The following MARF1 variants were observed in gnomAD, a reference collection of about 807,000 sequenced individuals.
MARF1 encodes the protein meiosis regulator and mRNA stability factor 1.
MARF1 carries 24 observed loss-of-function variants against 168.2 expected under a neutral mutation model. That is an observed-to-expected ratio of 0.14 (90% CI 0.10 to 0.20). MARF1 has a LOEUF of 0.20. Ranked by LOEUF, MARF1 falls within the 10% of genes least tolerant of loss-of-function variation. The pLI, the probability that MARF1 is intolerant of heterozygous loss-of-function variation, is 1.00. For synonymous variants in MARF1, 868 were observed against 822.4 expected, an observed-to-expected ratio of 1.06 and a Z score of -0.95; for missense variants, 1,744 against 2,143.6, an observed-to-expected ratio of 0.81 and a Z score of 3.68.
rs766558550 is a variant in MARF1, at chr16:15,608,296, C to T, written c.4177G>A (p.Val1393Met). 1.6e-5 allele frequency: 20 copies of T among 1,281,474 alleles called. No individual in the cohort carries two copies. The highest frequency in any genetic ancestry group is 3.0e-5 in the African/African-American group (2 of 66,494). 79.4% of individuals were successfully genotyped at this position (1,281,474 alleles called of 1,614,324 possible). A position where few individuals can be genotyped will look rare whatever the true frequency, so the allele number is the denominator to read the frequency against. Reference protein sequence around the residue: ...SALTQKLCHVVKVADIESGRQ... With the variant: ...SALTQKLCHVMKVADIESGRQ... ...AAAAAAAAAAAAACATTTACCTTCA[C>T]GACATGGCAGAGTTTCTGAGTTAAA... is the stretch of plus-strand genomic sequence containing the variant. Residue 1393 changes from valine (V) to methionine (M), a missense_variant, in exon 21 of 27, where the codon GTG becomes ATG. Transcript: ENST00000396368.
intron 21 of MARF1, among the ~76,000 whole-genome samples, chr16:15,607,491 G>GT (rs1335343877): frequency 6.6e-6 from 1 of 152,204 alleles, no homozygotes; most frequent in African/African-American, 2.4e-5. Flanking sequence ...GGAGGTTGCA[G>GT]TGAGCCAAGA....
In MARF1 at chr16:15,596,649, TCAGA is replaced by T. The variant is rs753385534; in HGVS notation, c.*40_*43del. The T allele has an allele frequency of 2.2e-5, 34 of 1,519,688 alleles. No individual in the cohort carries two copies. The highest frequency in any genetic ancestry group is 2.6e-5 in the Non-Finnish European group (29 of 1,130,442). The allele number at this position is 1,519,688 out of a possible 1,614,324, so 94.1% of individuals were successfully genotyped here. A position where few individuals can be genotyped will look rare whatever the true frequency, so the allele number is the denominator to read the frequency against. Reference sequence around the variant, plus strand: ...TTGAAACCCACTTTTGTGTGCAGAATCAGACAGTGTTTTCCCATCCTAATTCTAT... The same window carrying T: ...TTGAAACCCACTTTTGTGTGCAGAATCAGTGTTTTCCCATCCTAATTCTAT... On this transcript the variant is annotated 3_prime_UTR_variant, in exon 27 of 27. Transcript: ENST00000396368.
rs1430388433 is a variant in MARF1 at position 15,643,056 on chromosome 16, C to G, written c.-97G>C. 1 of 290,688 alleles carries G rather than the reference C, an allele frequency of 3.4e-6. No homozygotes were observed. The highest frequency in any genetic ancestry group is 5.7e-5 in the Admixed American group (1 of 17,444). The allele number at this position is 290,688 out of a possible 1,614,324, so 18.0% of individuals were successfully genotyped here. On this transcript the variant is annotated 5_prime_UTR_variant, in exon 1 of 27. Transcript: ENST00000396368. ...TCCACCTCCGCTCACATTCCGGCCC[C>G]GCCGCCTTCCCCCCGCCCCCCCCAG...
chr16:15,611,851 G>A, intron 17 of MARF1, 117 bp from the exon 18 acceptor site: 2 of 783,664 alleles, frequency 2.6e-6, no homozygotes, highest in Non-Finnish European at 4.0e-6. Context: ...TGTAGAATGT[G>A]TGCAATTTGA....
At chr16:15,607,201 G>C (rs9936101) in intron 21 of MARF1, among the ~76,000 whole-genome samples, 25,341 of 152,072 alleles carry the variant, frequency 0.17, 3,716 homozygotes, top group African/African-American at 0.4. Context: ...AGCTCTGAGC[G>C]TTCCTACCTC....
In MARF1 at chr16:15,602,641, A is replaced by AAAGAAGGAAGAG. The variant is rs1319524455; in HGVS notation, c.4414-439_4414-438insCTCTTCCTTCTT. Reference sequence around the variant, plus strand: ...GAGGAGGAAGGAAAGAAGGAAGAGGAGAAAGAAAAGGAGGAGGGATATATT... The same window carrying AAAGAAGGAAGAG: ...GAGGAGGAAGGAAAGAAGGAAGAGGAAAGAAGGAAGAGGAAAGAAAAGGAGGAGGGATATATT... On this transcript the variant is annotated intron_variant, in intron 22 of 26. Transcript: ENST00000396368. 9 of 63,542 alleles carry AAAGAAGGAAGAG rather than the reference A, an allele frequency of 1.4e-4. No individual in the cohort carries two copies. The Admixed American group carries it at 1.6e-3, about 12-fold the overall frequency. The allele number at this position is 63,542 out of a possible 1,614,324, so 3.9% of individuals were successfully genotyped here. A position where few individuals can be genotyped will look rare whatever the true frequency, so the allele number is the denominator to read the frequency against.
At chr16:15,625,851 T>A in intron 7 of MARF1, 51 bp from the exon 8 acceptor site, 1 of 1,456,880 alleles carries the variant, frequency 6.9e-7, no homozygotes, top group South Asian at 1.2e-5. Flanking sequence ...GGGCACACAT[T>A]CAATTTCAAA....
intron 2 of MARF1, 80 bp from the exon 3 acceptor site, chr16:15,636,422 A>T: frequency 1.0e-6 from 1 of 977,020 alleles, no homozygotes. Flanking sequence ...CTGCATGCAC[A>T]AACAGAAATA....
chr16:15,617,229 C>T (rs766303461), intron 14 of MARF1, 58 bp from the exon 15 acceptor site: 14 of 1,610,240 alleles, frequency 8.7e-6, no homozygotes, highest in Non-Finnish European at 1.2e-5. Context: ...AAGATGTTCA[C>T]AAGGTCATCC....
At chr16:15,603,453 C>T (rs569493520) in intron 22 of MARF1, among the ~76,000 whole-genome samples, 1 of 152,154 alleles carries the variant, frequency 6.6e-6, no homozygotes, top group Non-Finnish European at 1.5e-5. Context: ...GGATTATAGA[C>T]GTGTACCACC....
chr16:15,635,603 G>T, intron 3 of MARF1, 53 bp downstream of exon 3: 1 of 1,466,352 alleles, frequency 6.8e-7, no homozygotes, highest in Non-Finnish European at 9.4e-7. Context: ...CACTTCAAAA[G>T]TCATTCCTCA....
At chr16:15,638,311 C>CG (rs1337311757) in intron 2 of MARF1, among the ~76,000 whole-genome samples, 6 of 152,014 alleles carry the variant, frequency 3.9e-5, no homozygotes, top group African/African-American at 1.2e-4. Flanking sequence ...ATTGGCTGGA[C>CG]GCGGTGGCTC....
At chr16:15,600,386 A>G in intron 25 of MARF1, 42 bp downstream of exon 25, 1 of 1,612,386 alleles carries the variant, frequency 6.2e-7, no homozygotes, top group Non-Finnish European at 8.5e-7. Flanking sequence ...CGTTTCTCCT[A>G]GAATTTCACA....
In MARF1 at chr16:15,612,768, A is replaced by G; in HGVS notation, c.3263T>C (p.Leu1088Pro). 1 of 1,614,012 alleles carries G rather than the reference A, an allele frequency of 6.2e-7. No homozygotes were observed. Among genetic ancestry groups the G allele is most frequent in the South Asian group, 1.1e-5 (1 of 91,082 alleles). Residue 1088 changes from leucine to proline, a missense_variant, in exon 17 of 27, where the codon CTT becomes CCT. This residue lies in a region of MARF1 where 543 missense variants were observed against 742.1 expected (regional missense o/e 0.73). Coordinates refer to ENST00000396368, the MANE Select transcript of MARF1 (RefSeq NM_014647.4). ...KPPPPNTDPW[L>P]LRSKSPVGNP... The stretch of plus-strand genomic sequence containing the variant: ...ACCTACAGGACTCTTCGAACGCAGA[A>G]GCCAAGGGTCTAGAAGAAAAAGAAC...
chr16:15,638,594 A>AAAAGAAAAT (rs1258536668), intron 2 of MARF1, among the ~76,000 whole-genome samples: 1 of 152,154 alleles, frequency 6.6e-6, no homozygotes, highest in Non-Finnish European at 1.5e-5. Context: ...TCAAAAAAAA[A>AAAAGAAAAT]AAAGAAAATG....
chr16:15,598,116 C>T (rs2031946899), intron 26 of MARF1, among the ~76,000 whole-genome samples: 1 of 152,132 alleles, frequency 6.6e-6, no homozygotes, highest in Non-Finnish European at 1.5e-5. Context: ...GGCAGATGGG[C>T]CATCCTCTCC....
In MARF1 at chr16:15,638,732, G is replaced by T. The variant is rs550177401; in HGVS notation, c.144+358C>A. On this transcript the variant is annotated intron_variant, in intron 2 of 26. Transcript: ENST00000396368. Reference sequence around the variant, plus strand: ...TCTTCCCAACCCTTCCTAGATTATAGACTCAAAACTCAAGAGGGCTACAGT... The same window carrying T: ...TCTTCCCAACCCTTCCTAGATTATATACTCAAAACTCAAGAGGGCTACAGT... Among the ~76,000 whole-genome samples the T allele has an allele frequency of 2.0e-4, 30 of 152,232 alleles. No homozygotes were observed. In the South Asian group the frequency reaches 4.8e-3, roughly 24 times the overall value.
chr16:15,643,079 CAG>C lies in MARF1; in HGVS notation c.-122_-121del. 1.3e-5 allele frequency: 4 copies of C among 297,190 alleles called. No individual in the cohort carries two copies. Among genetic ancestry groups the C allele is most frequent in the South Asian group, 1.0e-4 (4 of 39,688 alleles). The allele number at this position is 297,190 out of a possible 1,614,324, so 18.4% of individuals were successfully genotyped here. A position where few individuals can be genotyped will look rare whatever the true frequency, so the allele number is the denominator to read the frequency against. On this transcript the variant is annotated 5_prime_UTR_variant, in exon 1 of 27. Transcript: ENST00000396368. ...CCCGCCGCCTTCCCCCCGCCCCCCC[CAG>C]GCCCTTTGTTTTGATTCCCGACTCC...
At chr16:15,624,697 CAACA>C in intron 10 of MARF1, 68 bp downstream of exon 10, 2 of 1,436,720 alleles carry the variant, frequency 1.4e-6, no homozygotes. Context: ...GAATTCTTTT[CAACA>C]AACATACTAT....
Sources: allele counts gnomAD v4.1 joint callset (sites outside exome capture counted in the v4.1 genomes callset), GRCh38; gene constraint gnomAD v4.1.1; regional missense constraint gnomAD v4.1.1; transcripts MANE v1.5; gene names NCBI Gene and HGNC (gene_info 2026-07-23, HGNC 2026-07-21).